Variants in BRD10 observed in about 807,000 individuals in gnomAD.
BRD10 encodes the protein uncharacterized bromodomain-containing protein 10.
At chr9:5,922,032 G>C in the BRD10 span, 1 of 1,614,048 alleles carries the variant, frequency 6.2e-7, no homozygotes. Flanking sequence ...TTTGGCACCA[G>C]AAATGCCTGC....
At chr9:5,922,302 T>G in the BRD10 span, 1 of 1,613,902 alleles carries the variant, frequency 6.2e-7, no homozygotes, top group Non-Finnish European at 8.5e-7. Flanking sequence ...GGCTGACCTG[T>G]GGAGGAAATG....
the BRD10 span, among the ~76,000 whole-genome samples, chr9:5,980,014 CA>C: frequency 0.59 from 58,798 of 99,560 alleles, 14,017 homozygotes; most frequent in Non-Finnish European, 0.66. Context: ...GACTCCATCT[CA>C]AAAAAAAAAA....
At chr9:5,913,622 TG>T in the BRD10 span, among the ~76,000 whole-genome samples, 1 of 152,222 alleles carries the variant, frequency 6.6e-6, no homozygotes, top group African/African-American at 2.4e-5. Context: ...TTAAATCATA[TG>T]GAAGGTGATA....
the BRD10 span, chr9:5,924,555 A>C: frequency 1.6e-6 from 1 of 613,406 alleles, no homozygotes; most frequent in African/African-American, 1.8e-5. Flanking sequence ...AGATTTCCCT[A>C]ATCAATATAT....
the BRD10 span, chr9:5,919,681 A>C: frequency 6.3e-7 from 1 of 1,592,034 alleles, no homozygotes. Context: ...TTTTAGTCTA[A>C]ATTCAAGATG....
the BRD10 span, among the ~76,000 whole-genome samples, chr9:5,934,757 TACTG>T: frequency 6.6e-6 from 1 of 152,214 alleles, no homozygotes; most frequent in Non-Finnish European, 1.5e-5. Flanking sequence ...TCTCGTGCTC[TACTG>T]ACTGAGTTAG....
chr9:5,974,555 C>T, the BRD10 span, among the ~76,000 whole-genome samples: 1 of 152,222 alleles, frequency 6.6e-6, no homozygotes, highest in Admixed American at 6.5e-5. Context: ...ATGATGCAGA[C>T]AGACAGAGAG....
At chr9:5,922,053 C>A in the BRD10 span, 13 of 1,613,958 alleles carry the variant, frequency 8.1e-6, no homozygotes, top group Non-Finnish European at 1.1e-5. Context: ...AGCTGAGGAG[C>A]AAAAGTGAAA....
At chr9:5,946,952 A>C in the BRD10 span, among the ~76,000 whole-genome samples, 3 of 151,894 alleles carry the variant, frequency 2.0e-5, no homozygotes, top group Admixed American at 6.6e-5. Flanking sequence ...TAACACAGTT[A>C]TCTCTTCATA....
At chr9:6,002,061 A>G in the BRD10 span, among the ~76,000 whole-genome samples, 1 of 152,236 alleles carries the variant, frequency 6.6e-6, no homozygotes, top group Non-Finnish European at 1.5e-5. Context: ...TGTTGTGAAA[A>G]TAGTACCATG....
At chr9:5,934,358 C>CT in the BRD10 span, among the ~76,000 whole-genome samples, 1,328 of 129,942 alleles carry the variant, frequency 0.01, 45 homozygotes, top group East Asian at 0.022. Context: ...TTACGCTTTT[C>CT]TTTTTTTTTT....
the BRD10 span, among the ~76,000 whole-genome samples, chr9:5,945,649 G>A: frequency 6.6e-6 from 1 of 151,898 alleles, no homozygotes; most frequent in East Asian, 1.9e-4. Context: ...AACTAGCTTG[G>A]TTTAATTACT....
At chr9:5,960,303 T>A in the BRD10 span, among the ~76,000 whole-genome samples, 1 of 152,158 alleles carries the variant, frequency 6.6e-6, no homozygotes, top group African/African-American at 2.4e-5. Flanking sequence ...GCCTCACGCC[T>A]GTAATCCCAG....
At chr9:6,007,765 C>G in the BRD10 span, 1 of 1,567,244 alleles carries the variant, frequency 6.4e-7, no homozygotes, top group South Asian at 1.1e-5. Flanking sequence ...CTCCATCGCT[C>G]CCGGCGTCCC....
At chr9:5,944,934 G>T in the BRD10 span, 1 of 1,540,284 alleles carries the variant, frequency 6.5e-7, no homozygotes, top group East Asian at 2.4e-5. Context: ...TTAATTCCCT[G>T]AGTTCATCAA....
the BRD10 span, among the ~76,000 whole-genome samples, chr9:5,992,141 C>CT: frequency 6.6e-6 from 1 of 152,190 alleles, no homozygotes; most frequent in Admixed American, 6.5e-5. Flanking sequence ...TTTCATGTCA[C>CT]TTATCACTAC....
the BRD10 span, among the ~76,000 whole-genome samples, chr9:6,004,158 C>G: frequency 3.3e-5 from 5 of 152,206 alleles, no homozygotes; most frequent in Non-Finnish European, 5.9e-5. Flanking sequence ...TCTTCCTTAC[C>G]TCGTCTCACT....
At chr9:6,000,311 G>GA in the BRD10 span, among the ~76,000 whole-genome samples, 1 of 151,742 alleles carries the variant, frequency 6.6e-6, no homozygotes, top group Non-Finnish European at 1.5e-5. Context: ...CAATTAAAAA[G>GA]AAAAAACTTC....
At chr9:5,950,765 C>G in the BRD10 span, among the ~76,000 whole-genome samples, 1 of 151,936 alleles carries the variant, frequency 6.6e-6, no homozygotes, top group Non-Finnish European at 1.5e-5. Context: ...CTGCGGATAC[C>G]AAAATCCAAG....
Sources: allele counts gnomAD v4.1 joint callset (sites outside exome capture counted in the v4.1 genomes callset), GRCh38; gene constraint gnomAD v4.1.1; transcripts MANE v1.5; gene names NCBI Gene and HGNC (gene_info 2026-07-23, HGNC 2026-07-21).